Variants in NRXN3 observed in about 807,000 individuals in gnomAD.
NRXN3 encodes the protein neurexin III.
A neutral mutation model predicts 137.6 loss-of-function variants in NRXN3; 32 were observed. That is an observed-to-expected ratio of 0.23 (90% CI 0.18 to 0.31). NRXN3 has a LOEUF of 0.31. Among genes scored for constraint, NRXN3 ranks in the 10% least tolerant of loss-of-function variants. The pLI, the probability that NRXN3 is intolerant of heterozygous loss-of-function variation, is 1.00. For synonymous variants in NRXN3, 798 were observed against 784.5 expected, an observed-to-expected ratio of 1.02 and a Z score of -0.29; for missense variants, 1,574 against 2,062.5, an observed-to-expected ratio of 0.76 and a Z score of 4.59.
intron 15 of NRXN3, among the ~76,000 whole-genome samples, chr14:79,426,925 G>A (rs1008290770): frequency 7.2e-5 from 11 of 152,078 alleles, no homozygotes; most frequent in Admixed American, 1.3e-4. Context: ...TTTAGCCTGC[G>A]TCTGTTTTTG....
intron 8 of NRXN3, among the ~76,000 whole-genome samples, chr14:78,800,797 G>T (rs1296360684): frequency 6.6e-6 from 1 of 152,130 alleles, no homozygotes; most frequent in Non-Finnish European, 1.5e-5. Context: ...AGATATGAGG[G>T]TACGGGTGTT....
intron 15 of NRXN3, among the ~76,000 whole-genome samples, chr14:79,194,253 T>C (rs1394368826): frequency 1.3e-5 from 2 of 152,212 alleles, no homozygotes; most frequent in African/African-American, 2.4e-5. Flanking sequence ...TTTCGAATGA[T>C]GGCATACATA....
intron 10 of NRXN3, among the ~76,000 whole-genome samples, chr14:78,849,365 T>G (rs1200837128): frequency 6.6e-6 from 1 of 152,090 alleles, no homozygotes; most frequent in Non-Finnish European, 1.5e-5. Flanking sequence ...ACTGGTGAGT[T>G]TCCAGCTGCT....
At chr14:78,273,576 T>G (rs1465632685) in intron 2 of NRXN3, among the ~76,000 whole-genome samples, 1 of 152,226 alleles carries the variant, frequency 6.6e-6, no homozygotes, top group Non-Finnish European at 1.5e-5. Flanking sequence ...TACAGCTCCC[T>G]CTGCCTGTGG....
chr14:78,821,493 G>C (rs2098950643), intron 10 of NRXN3, among the ~76,000 whole-genome samples: 2 of 152,102 alleles, frequency 1.3e-5, no homozygotes, highest in South Asian at 4.1e-4. Flanking sequence ...GAAGGGGTAA[G>C]AGCAACAGAA....
intron 4 of NRXN3, among the ~76,000 whole-genome samples, chr14:78,435,151 G>A (rs1216773565): frequency 6.6e-6 from 1 of 152,112 alleles, no homozygotes; most frequent in Non-Finnish European, 1.5e-5. Context: ...GCTTACTTGT[G>A]GCTCTGTAAC....
intron 14 of NRXN3, among the ~76,000 whole-genome samples, chr14:78,984,409 A>G (rs1424270367): frequency 6.6e-6 from 1 of 152,220 alleles, no homozygotes; most frequent in African/African-American, 2.4e-5. Flanking sequence ...TAGTTAAGTA[A>G]ATAGGAAGAC....
At chr14:79,087,599 T>C (rs949571913) in intron 15 of NRXN3, among the ~76,000 whole-genome samples, 16 of 152,120 alleles carry the variant, frequency 1.1e-4, no homozygotes, top group African/African-American at 3.9e-4. Flanking sequence ...GAAGAGGGCA[T>C]ATTTCCTGGT....
intron 6 of NRXN3, chr14:78,703,972 C>A (rs1483034932): frequency 6.6e-6 from 1 of 152,240 alleles, no homozygotes; most frequent in African/African-American, 2.4e-5. Context: ...CACATCCCCT[C>A]ATTCTTTCTA....
At chr14:78,824,781 T>C (rs1486998163) in intron 10 of NRXN3, among the ~76,000 whole-genome samples, 1 of 152,164 alleles carries the variant, frequency 6.6e-6, no homozygotes, top group African/African-American at 2.4e-5. Flanking sequence ...CAATATTTCA[T>C]TGTACATTTA....
Position 79,715,595 on chromosome 14 carries a change from C to A in NRXN3, c.4014+17658C>A, listed in dbSNP as rs2098821075. Among the ~76,000 whole-genome samples the A allele has an allele frequency of 4.6e-5, 7 of 152,262 alleles. No homozygotes were observed. In the South Asian group the frequency reaches 1.5e-3, roughly 32 times the overall value. On this transcript the variant is annotated intron_variant, in intron 19 of 20. Coordinates refer to ENST00000335750, the MANE Select transcript of NRXN3 (RefSeq NM_001330195.2). ...GCCACTGCCTGCTGTGTGGACAGAT[C>A]TGGATAGAGTTAAAAAGATAATAAA...
chr14:79,700,124 A>G (rs1472910566), intron 19 of NRXN3, among the ~76,000 whole-genome samples: 1 of 152,060 alleles, frequency 6.6e-6, no homozygotes, highest in Non-Finnish European at 1.5e-5. Flanking sequence ...TGTTGATCAC[A>G]TCAAACCTAT....
At chr14:79,627,537 T>C (rs989153973) in intron 16 of NRXN3, among the ~76,000 whole-genome samples, 5 of 152,228 alleles carry the variant, frequency 3.3e-5, no homozygotes, top group Non-Finnish European at 1.5e-5. Context: ...TCATTATTAT[T>C]GCTTGATACA....
chr14:78,854,726 C>T (rs192779464), intron 10 of NRXN3, among the ~76,000 whole-genome samples: 331 of 152,184 alleles, frequency 2.2e-3, no homozygotes, highest in Middle Eastern at 3.4e-3. Context: ...CTTGCTTTGT[C>T]CTCAAAATAG....
chr14:79,176,073 G>C (rs981867690), intron 15 of NRXN3, among the ~76,000 whole-genome samples: 1 of 152,204 alleles, frequency 6.6e-6, no homozygotes, highest in Non-Finnish European at 1.5e-5. Context: ...TTCCATCACA[G>C]CAATTACATG....
chr14:78,197,088 T>C (rs909232550), intron 1 of NRXN3, among the ~76,000 whole-genome samples: 1 of 152,180 alleles, frequency 6.6e-6, no homozygotes, highest in African/African-American at 2.4e-5. Context: ...GCTGCGGAAG[T>C]GTGGCAGTTT....
Position 79,202,747 on chromosome 14 carries a change from A to G in NRXN3, c.3262+214606A>G, listed in dbSNP as rs184047760. The stretch of plus-strand genomic sequence containing the variant: ...ATGGCTGAGTAGTATTCCATCATAT[A>G]TATATACCACAGTTTCTTTATCCAC... On this transcript the variant is annotated intron_variant, in intron 15 of 20. Transcript: ENST00000335750. Among the ~76,000 whole-genome samples the G allele has an allele frequency of 3.4e-3, 523 of 152,260 alleles. 2 individuals carry two copies. Among genetic ancestry groups the G allele is most frequent in the African/African-American group, 0.012 (490 of 41,558 alleles).
chr14:79,559,846 G>T (rs2153773917), intron 16 of NRXN3, among the ~76,000 whole-genome samples: 1 of 152,270 alleles, frequency 6.6e-6, no homozygotes, highest in East Asian at 1.9e-4. Context: ...TTTGTAGTCA[G>T]AGGGCTATTG....
At chr14:79,419,136 A>T (rs981338113) in intron 15 of NRXN3, among the ~76,000 whole-genome samples, 1 of 152,212 alleles carries the variant, frequency 6.6e-6, no homozygotes, top group East Asian at 1.9e-4. Flanking sequence ...AAGTATGAGT[A>T]AAGTACCAGA....
Sources: gnomAD v4.1 joint callset for allele counts (sites outside exome capture counted in the v4.1 genomes callset) on GRCh38, gnomAD v4.1.1 for gene constraint, MANE v1.5 for transcripts, NCBI Gene and HGNC (gene_info 2026-07-23, HGNC 2026-07-21) for gene names.